Variants in MGMT observed in about 807,000 individuals in gnomAD.
MGMT encodes the protein O-6-methylguanine-DNA methyltransferase, also known as methylated-DNA--protein-cysteine methyltransferase.
A neutral mutation model predicts 15.9 loss-of-function variants in MGMT; 14 were observed. The ratio of observed to expected loss-of-function variants is 0.88; its 90% CI spans 0.58 to 1.37. MGMT has a LOEUF of 1.37. Among genes scored for constraint, MGMT ranks in the 40% most tolerant of loss-of-function variants. The pLI, the probability that MGMT is intolerant of heterozygous loss-of-function variation, is 0.00. For missense variants in MGMT, 282 were observed against 268.1 expected (o/e 1.05, Z -0.36); for synonymous variants, 130 against 118.2 (o/e 1.10, Z -0.65).
At chr10:129,755,075 A>C (rs968614708) in intron 3 of MGMT, among the ~76,000 whole-genome samples, 29 of 152,202 alleles carry the variant, frequency 1.9e-4, no homozygotes, top group Admixed American at 4.6e-4. Context: ...TCTTCTTTCC[A>C]AGGCTGCCAA....
intron 1 of MGMT, among the ~76,000 whole-genome samples, chr10:129,527,462 G>A (rs1564843040): frequency 6.6e-6 from 1 of 152,224 alleles, no homozygotes; most frequent in Non-Finnish European, 1.5e-5. Flanking sequence ...TCTGCCCCGT[G>A]TGTTCCCTGA....
chr10:129,482,305 T>C (rs1194699130), intron 1 of MGMT, among the ~76,000 whole-genome samples: 3 of 152,208 alleles, frequency 2.0e-5, no homozygotes, highest in Non-Finnish European at 2.9e-5. Context: ...ATTTTAATCC[T>C]CCTAGATTTG....
intron 2 of MGMT, among the ~76,000 whole-genome samples, chr10:129,707,382 AAC>A (rs796198147): frequency 6.6e-6 from 1 of 151,844 alleles, no homozygotes; most frequent in South Asian, 2.1e-4. Flanking sequence ...CGATGAAGGA[AAC>A]ACAGAGTAGG....
At chr10:129,514,112 C>A (rs1845712937) in intron 1 of MGMT, among the ~76,000 whole-genome samples, 1 of 152,162 alleles carries the variant, frequency 6.6e-6, no homozygotes, top group Non-Finnish European at 1.5e-5. Context: ...CATTCTGCTG[C>A]AATTTAGATA....
chr10:129,627,242 C>T (rs756038384), intron 2 of MGMT, among the ~76,000 whole-genome samples: 100 of 152,236 alleles, frequency 6.6e-4, no homozygotes, highest in African/African-American at 1.5e-3. Flanking sequence ...GTTTTTCTCA[C>T]GTGGATCAGT....
intron 1 of MGMT, among the ~76,000 whole-genome samples, chr10:129,503,353 GT>G (rs1845594240): frequency 6.6e-6 from 1 of 152,100 alleles, no homozygotes; most frequent in Non-Finnish European, 1.5e-5. Flanking sequence ...ATAAACCTCC[GT>G]TTTCAAATAA....
chr10:129,493,278 G>T (rs1457668403), intron 1 of MGMT, among the ~76,000 whole-genome samples: 3 of 152,130 alleles, frequency 2.0e-5, no homozygotes, highest in Non-Finnish European at 4.4e-5. Flanking sequence ...CTCAATCAGG[G>T]CCCTCGGGTT....
chr10:129,650,677 G>A (rs781227416), intron 2 of MGMT, among the ~76,000 whole-genome samples: 3 of 152,186 alleles, frequency 2.0e-5, no homozygotes, highest in African/African-American at 4.8e-5. Context: ...GATCCTGCTC[G>A]AGGAGCACGT....
intron 2 of MGMT, among the ~76,000 whole-genome samples, chr10:129,541,117 G>C (rs1342981769): frequency 6.6e-6 from 1 of 152,250 alleles, no homozygotes; most frequent in Non-Finnish European, 1.5e-5. Context: ...CTGTGCTTGT[G>C]TACAAAGTGT....
At chr10:129,705,306 G>A (rs939766792) in intron 2 of MGMT, among the ~76,000 whole-genome samples, 58 of 152,228 alleles carry the variant, frequency 3.8e-4, no homozygotes, top group African/African-American at 1.3e-3. Flanking sequence ...GAATGCAAAA[G>A]AGGTTCGTGC....
At chr10:129,576,365 G>A (rs969514699) in intron 2 of MGMT, among the ~76,000 whole-genome samples, 16 of 152,334 alleles carry the variant, frequency 1.1e-4, no homozygotes, top group Non-Finnish European at 2.2e-4. Flanking sequence ...TCCCTGGGAT[G>A]CAAGGCTGGT....
chr10:129,479,849 T>C (rs1426067165), intron 1 of MGMT, among the ~76,000 whole-genome samples: 2 of 152,056 alleles, frequency 1.3e-5, no homozygotes, highest in African/African-American at 4.8e-5. Flanking sequence ...GGTCCTCACA[T>C]TGTTTGGTCT....
intron 2 of MGMT, among the ~76,000 whole-genome samples, chr10:129,662,582 G>A (rs1847609613): frequency 6.6e-6 from 1 of 152,190 alleles, no homozygotes; most frequent in South Asian, 2.1e-4. Context: ...ACAGGACAAA[G>A]CGGAAGCTGT....
chr10:129,663,394 G>A (rs994094342), intron 2 of MGMT, among the ~76,000 whole-genome samples: 1 of 151,632 alleles, frequency 6.6e-6, no homozygotes, highest in Non-Finnish European at 1.5e-5. Context: ...TAAAAATGAG[G>A]GAAGAAAAAT....
At chr10:129,521,391 A>T (rs1449658551) in intron 1 of MGMT, among the ~76,000 whole-genome samples, 1 of 152,178 alleles carries the variant, frequency 6.6e-6, no homozygotes, top group African/African-American at 2.4e-5. Flanking sequence ...CTGGCCTCAC[A>T]GCTCACTGCA....
At chr10:129,630,203 A>G (rs1401706654) in intron 2 of MGMT, among the ~76,000 whole-genome samples, 2 of 152,212 alleles carry the variant, frequency 1.3e-5, no homozygotes, top group East Asian at 3.9e-4. Flanking sequence ...CTTAGGAGCA[A>G]CAGGTACCCG....
chr10:129,678,771 A>G (rs1287953990), intron 2 of MGMT, among the ~76,000 whole-genome samples: 3 of 152,096 alleles, frequency 2.0e-5, no homozygotes, highest in African/African-American at 7.2e-5. Context: ...GTGCTAAGCC[A>G]TAAGGGACTG....
At chr10:129,696,386 G>A (rs529717956) in intron 2 of MGMT, among the ~76,000 whole-genome samples, 1 of 152,324 alleles carries the variant, frequency 6.6e-6, no homozygotes. Context: ...CAAACCTGCA[G>A]CATTTCCAGG....
At chr10:129,758,961 A>G (rs1030939734) in intron 3 of MGMT, among the ~76,000 whole-genome samples, 5 of 152,190 alleles carry the variant, frequency 3.3e-5, no homozygotes, top group African/African-American at 1.2e-4. Flanking sequence ...AGAAATTGCA[A>G]ACCTGTGGTG....
Sources: gnomAD v4.1 joint callset for allele counts (sites outside exome capture counted in the v4.1 genomes callset) on GRCh38, gnomAD v4.1.1 for gene constraint, MANE v1.5 for transcripts, NCBI Gene and HGNC (gene_info 2026-07-23, HGNC 2026-07-21) for gene names.